GALNT18: variants seen among roughly 807,000 people sequenced by gnomAD.
The protein encoded by GALNT18 is GalNAc-transferase 18.
Under a neutral mutation model 69.5 loss-of-function variants are expected in GALNT18, and 44 were observed. The observed-to-expected ratio is 0.63, with a 90% CI of 0.50 to 0.81. The LOEUF is 0.81. Among genes scored for constraint, GALNT18 ranks in the 40% least tolerant of loss-of-function variants. The pLI, the probability that GALNT18 is intolerant of heterozygous loss-of-function variation, is 0.00. For missense variants in GALNT18, 715 were observed against 810.0 expected (o/e 0.88, Z 1.42); for synonymous variants, 364 against 318.2 (o/e 1.14, Z -1.53).
intron 3 of GALNT18, among the ~76,000 whole-genome samples, chr11:11,409,176 C>T (rs1589977714): frequency 6.6e-6 from 1 of 152,198 alleles, no homozygotes; most frequent in African/African-American, 2.4e-5. Flanking sequence ...TGGCTGGTGG[C>T]CTTCTGCCCA....
rs1008753089 is a variant in GALNT18, at chr11:11,440,000, G to C, written c.429-7213C>G. Among the ~76,000 whole-genome samples, 7 of 152,194 alleles carry C rather than the reference G, an allele frequency of 4.6e-5. No individual in the cohort carries two copies. Among genetic ancestry groups the C allele is most frequent in the African/African-American group, 1.7e-4 (7 of 41,438 alleles). On this transcript the variant is annotated intron_variant, in intron 2 of 10. Coordinates refer to ENST00000227756, the MANE Select transcript of GALNT18 (RefSeq NM_198516.3). The surrounding 1 kb of genome is among the most constrained non-coding windows in gnomAD (Gnocchi z 4.4). The stretch of plus-strand genomic sequence containing the variant: ...TGGACATCTGCGAACTGGGAGTTCT[G>C]CAATGCAGGAGAAATCGGCCAGACC...
At chr11:11,567,081 G>A (rs1280008931) in intron 1 of GALNT18, among the ~76,000 whole-genome samples, 1 of 152,166 alleles carries the variant, frequency 6.6e-6, no homozygotes, top group Non-Finnish European at 1.5e-5. Flanking sequence ...AGAACAAGCA[G>A]CCAGCCAGTA....
intron 3 of GALNT18, among the ~76,000 whole-genome samples, chr11:11,412,554 G>C (rs11021839): frequency 0.12 from 18,206 of 152,258 alleles, 1,763 homozygotes; most frequent in East Asian, 0.42. Flanking sequence ...TCAAACCACA[G>C]TCTTGCTTAA....
In GALNT18 at chr11:11,320,289, C is replaced by T. The variant is rs1320250689; in HGVS notation, c.1512+6797G>A. Among the ~76,000 whole-genome samples, 1 of 152,208 alleles carries T rather than the reference C, an allele frequency of 6.6e-6. No homozygotes were observed. The highest frequency in any genetic ancestry group is 1.5e-5 in the Non-Finnish European group (1 of 68,038). On this transcript the variant is annotated intron_variant, in intron 9 of 10. Coordinates refer to ENST00000227756, the MANE Select transcript of GALNT18 (RefSeq NM_198516.3). The surrounding 1 kb of genome is among the most constrained non-coding windows in gnomAD (Gnocchi z 4.9). Reference sequence around the variant, plus strand: ...CCGTTACCCTGGCTTGGTCTATATTCCCTAGGCAACAATGTAAAGTGCCAC... The same window carrying T: ...CCGTTACCCTGGCTTGGTCTATATTTCCTAGGCAACAATGTAAAGTGCCAC...
At chr11:11,352,345 C>A (rs2133068271) in intron 6 of GALNT18, 3 of 1,614,046 alleles carry the variant, frequency 1.9e-6, no homozygotes, top group Non-Finnish European at 2.5e-6. Context: ...TTGTATTTGT[C>A]AATATAGCCA....
At chr11:11,426,027 T>C (rs1589991495) in intron 3 of GALNT18, among the ~76,000 whole-genome samples, 1 of 152,172 alleles carries the variant, frequency 6.6e-6, no homozygotes, top group African/African-American at 2.4e-5. Flanking sequence ...GCTCCCACCA[T>C]TTTCTTGATT....
In GALNT18 at chr11:11,494,120, A is replaced by G. The variant is rs900359764; in HGVS notation, c.236-45184T>C. Among the ~76,000 whole-genome samples, 1 of 152,222 alleles carries G rather than the reference A, an allele frequency of 6.6e-6. No individual in the cohort carries two copies. The highest frequency in any genetic ancestry group is 2.4e-5 in the African/African-American group (1 of 41,448). On this transcript the variant is annotated intron_variant, in intron 1 of 10. Coordinates refer to ENST00000227756, the MANE Select transcript of GALNT18 (RefSeq NM_198516.3). The surrounding 1 kb of genome is among the most constrained non-coding windows in gnomAD (Gnocchi z 5.7). ...AAGAACTTAGCACAGTACCTTGCATATAGGAAATCTTAATAAATGTTAGAT... is the reference window on the plus strand; with the variant it reads ...AAGAACTTAGCACAGTACCTTGCATGTAGGAAATCTTAATAAATGTTAGAT...
At position 11,543,194 on chromosome 11, in the gene GALNT18, T is replaced by A. The variant is rs1316015554; in HGVS notation, c.235+78165A>T. ...TAGAGCCTGCCAAATGGCTATAATG[T>A]CTTGGATGTTTCTAGAACCTCATTT... On this transcript the variant is annotated intron_variant, in intron 1 of 10. Transcript: ENST00000227756. The surrounding 1 kb of genome is among the most constrained non-coding windows in gnomAD (Gnocchi z 5.1). Among the ~76,000 whole-genome samples, 1 of 152,172 alleles carries A rather than the reference T, an allele frequency of 6.6e-6. No individual in the cohort carries two copies. Among genetic ancestry groups the A allele is most frequent in the African/African-American group, 2.4e-5 (1 of 41,456 alleles).
chr11:11,363,618 C>T (rs1464296348), intron 6 of GALNT18, among the ~76,000 whole-genome samples: 1 of 152,016 alleles, frequency 6.6e-6, no homozygotes, highest in Non-Finnish European at 1.5e-5. Flanking sequence ...TTCTGTTGTC[C>T]TAAGTTTGAA....
chr11:11,286,995 A>G (rs1351355087), intron 10 of GALNT18, among the ~76,000 whole-genome samples: 1 of 152,150 alleles, frequency 6.6e-6, no homozygotes, highest in African/African-American at 2.4e-5. Context: ...GGAGCCTTTG[A>G]CAACCTGCTG....
At chr11:11,477,057 G>A (rs1044314605) in intron 1 of GALNT18, among the ~76,000 whole-genome samples, 1 of 152,198 alleles carries the variant, frequency 6.6e-6, no homozygotes, top group African/African-American at 2.4e-5. Flanking sequence ...GGCTTCAGTG[G>A]AACCACCTAC....
chr11:11,573,485 C>T lies in GALNT18; in HGVS notation c.235+47874G>A, dbSNP rs1858842931. 1.3e-5 allele frequency: 2 copies of T among 152,218 alleles called. No homozygotes were observed. Among genetic ancestry groups the T allele is most frequent in the African/African-American group, 2.4e-5 (1 of 41,468 alleles). 9.4% of individuals were successfully genotyped at this position (152,218 alleles called of 1,614,324 possible). On this transcript the variant is annotated intron_variant, in intron 1 of 10. Transcript: ENST00000227756. The surrounding 1 kb of genome is among the most constrained non-coding windows in gnomAD (Gnocchi z 4.6). ...CACAAACGATATTAAAATTTTACAGCAACCATGCCAGACTAGGTCTTATTT... is the reference window on the plus strand; with the variant it reads ...CACAAACGATATTAAAATTTTACAGTAACCATGCCAGACTAGGTCTTATTT...
intron 1 of GALNT18, among the ~76,000 whole-genome samples, chr11:11,514,514 A>C (rs1446318009): frequency 3.9e-5 from 6 of 152,212 alleles, no homozygotes; most frequent in Admixed American, 1.3e-4. Context: ...CAGAGGAATC[A>C]GTTTTCTAAA....
chr11:11,528,268 A>C (rs1275794925), intron 1 of GALNT18, among the ~76,000 whole-genome samples: 1 of 152,250 alleles, frequency 6.6e-6, no homozygotes, highest in Non-Finnish European at 1.5e-5. Context: ...TAAAGCACAG[A>C]GTACTTAGGT....
At chr11:11,473,894 G>A (rs1262820348) in intron 1 of GALNT18, among the ~76,000 whole-genome samples, 5 of 152,194 alleles carry the variant, frequency 3.3e-5, no homozygotes, top group African/African-American at 9.6e-5. Context: ...GTGATACTCA[G>A]TCTCTACCAA....
intron 1 of GALNT18, among the ~76,000 whole-genome samples, chr11:11,455,311 A>T (rs10765852): frequency 1 from 152,116 of 152,310 alleles, 75,962 homozygotes; most frequent in Middle Eastern, 1. Flanking sequence ...GAGAATGTAA[A>T]CAATGCTCTG....
rs1181196817 is a variant in GALNT18 at position 11,315,704 on chromosome 11, A to G, written c.1512+11382T>C. Among the ~76,000 whole-genome samples the G allele has an allele frequency of 6.6e-6, 1 of 152,130 alleles. No individual in the cohort carries two copies. ...TCAGTGATGTGCAAGTTACATCCCA[A>G]CTTTACAGATTATGAACCTAACAGG... On this transcript the variant is annotated intron_variant, in intron 9 of 10. Coordinates refer to ENST00000227756, the MANE Select transcript of GALNT18 (RefSeq NM_198516.3). This position sits in a 1 kb window ranked among gnomAD's most constrained non-coding sequence, Gnocchi z 5.6.
chr11:11,518,677 G>C (rs576868836), intron 1 of GALNT18, among the ~76,000 whole-genome samples: 1 of 152,328 alleles, frequency 6.6e-6, no homozygotes, highest in African/African-American at 2.4e-5. Flanking sequence ...GAAAAAGACA[G>C]ATTTGGGGCC....
chr11:11,551,547 G>C (rs1404669119), intron 1 of GALNT18, among the ~76,000 whole-genome samples: 1 of 152,188 alleles, frequency 6.6e-6, no homozygotes, highest in Non-Finnish European at 1.5e-5. Context: ...ATTTCAGACT[G>C]GGGGGCTGTG....
Sources: gnomAD v4.1 joint callset for allele counts (sites outside exome capture counted in the v4.1 genomes callset) on GRCh38, gnomAD v4.1.1 for gene constraint, Gnocchi (gnomAD v3.1) non-coding constraint, MANE v1.5 for transcripts, NCBI Gene and HGNC (gene_info 2026-07-23, HGNC 2026-07-21) for gene names.